The following LTBP1 variants were observed in gnomAD, a reference collection of about 807,000 sequenced individuals.
The protein encoded by LTBP1 is latent-transforming growth factor beta-binding protein 1.
Under a neutral mutation model 207.6 loss-of-function variants are expected in LTBP1, and 129 were observed. The ratio of observed to expected loss-of-function variants is 0.62; its 90% CI spans 0.54 to 0.72. The LOEUF (loss-of-function observed/expected upper bound fraction) is 0.72, where lower values mean the gene tolerates loss of function less well. Among genes scored for constraint, LTBP1 ranks in the 30% least tolerant of loss-of-function variants. LTBP1 has a pLI of 0.00. For synonymous variants in LTBP1, 963 were observed against 833.7 expected (o/e 1.16, Z -2.67); for missense variants, 2,281 against 2,217.2 (o/e 1.03, Z -0.58).
chr2:33,283,236 A>G (rs1055015852), intron 19 of LTBP1, among the ~76,000 whole-genome samples: 3 of 152,024 alleles, frequency 2.0e-5, no homozygotes, highest in Non-Finnish European at 2.9e-5. Context: ...AAAGATTCAG[A>G]GTCTTTAGAG....
At chr2:33,273,478 C>G (rs191368383) in intron 15 of LTBP1, among the ~76,000 whole-genome samples, 178 bp from the exon 16 acceptor site, 1 of 152,180 alleles carries the variant, frequency 6.6e-6, no homozygotes, top group Non-Finnish European at 1.5e-5. Context: ...CTAACTAATC[C>G]ATTATAAAGT....
chr2:33,167,506 A>G (rs1349533212), intron 5 of LTBP1, among the ~76,000 whole-genome samples: 1 of 152,252 alleles, frequency 6.6e-6, no homozygotes, highest in East Asian at 1.9e-4. Flanking sequence ...GAGCAGTCAG[A>G]TGTGAACCCA....
chr2:33,300,320 T>C (rs917416190), intron 20 of LTBP1, 131 bp from the exon 21 acceptor site: 2 of 781,586 alleles, frequency 2.6e-6, no homozygotes, highest in African/African-American at 1.7e-5. Context: ...TGATAAATAC[T>C]AAAGTGTGTA....
chr2:33,230,891 CA>C (rs1558854216), intron 9 of LTBP1, among the ~76,000 whole-genome samples: 133 of 151,912 alleles, frequency 8.8e-4, no homozygotes, highest in African/African-American at 3.0e-3. Flanking sequence ...ACATTTTTGG[CA>C]CGTACTGTGG....
intron 9 of LTBP1, among the ~76,000 whole-genome samples, chr2:33,240,705 C>A (rs542079057): frequency 7.4e-6 from 1 of 135,192 alleles, no homozygotes; most frequent in African/African-American, 2.9e-5. Flanking sequence ...GGCTGGAGTG[C>A]AGTGGCGCGA....
intron 3 of LTBP1, among the ~76,000 whole-genome samples, chr2:33,066,017 G>A (rs946105662): frequency 2.6e-5 from 4 of 151,574 alleles, no homozygotes; most frequent in Non-Finnish European, 1.5e-5. Flanking sequence ...CCTATTTTCC[G>A]GCCAGTTTTC....
In LTBP1 at chr2:33,087,279, G is replaced by T. The variant is rs144264613; in HGVS notation, c.864-23303G>T. Among the ~76,000 whole-genome samples the T allele has an allele frequency of 2.1e-4, 32 of 151,914 alleles. 1 individual carries two copies. The East Asian group carries it at 5.8e-3, about 28-fold the overall frequency. ...GGTGTGCTCTCACTCTGTCTCCCAGGCTAATCTTGAACTCCTGGCCTCAAG... is the reference window on the plus strand; with the variant it reads ...GGTGTGCTCTCACTCTGTCTCCCAGTCTAATCTTGAACTCCTGGCCTCAAG... On this transcript the variant is annotated intron_variant, in intron 3 of 33. Transcript: ENST00000404816.
chr2:33,201,992 A>G (rs1419423726), intron 7 of LTBP1, among the ~76,000 whole-genome samples: 1 of 144,140 alleles, frequency 6.9e-6, no homozygotes, highest in African/African-American at 2.6e-5. Flanking sequence ...TATGTTCAGT[A>G]ACATCCTAAG....
intron 20 of LTBP1, among the ~76,000 whole-genome samples, chr2:33,293,950 CAA>C (rs2093822780): frequency 7.9e-6 from 1 of 126,644 alleles, no homozygotes; most frequent in African/African-American, 2.9e-5. Context: ...ATTGAACAAA[CAA>C]AAAATTTTCA....
chr2:33,119,142 C>G (rs947611186), intron 4 of LTBP1, among the ~76,000 whole-genome samples: 12 of 148,212 alleles, frequency 8.1e-5, no homozygotes, highest in Admixed American at 4.7e-4. Flanking sequence ...CTGTATGGCT[C>G]CAGAATATTC....
chr2:33,204,405 A>T (rs1383383582), intron 7 of LTBP1, among the ~76,000 whole-genome samples: 1 of 152,244 alleles, frequency 6.6e-6, no homozygotes, highest in East Asian at 1.9e-4. Flanking sequence ...AGCCTTGAAG[A>T]ACATTCTAAA....
intron 31 of LTBP1, among the ~76,000 whole-genome samples, chr2:33,371,244 A>C (rs543771603): frequency 6.6e-6 from 1 of 152,254 alleles, no homozygotes; most frequent in East Asian, 1.9e-4. Flanking sequence ...TTCACCATGG[A>C]TGTATCATGG....
intron 19 of LTBP1, among the ~76,000 whole-genome samples, chr2:33,291,122 T>G (rs887136681): frequency 6.6e-6 from 1 of 152,212 alleles, no homozygotes; most frequent in African/African-American, 2.4e-5. Context: ...TCCATGCAAT[T>G]ATGTCTATAA....
chr2:33,114,549 C>G (rs549506357), intron 4 of LTBP1, among the ~76,000 whole-genome samples: 1 of 152,166 alleles, frequency 6.6e-6, no homozygotes, highest in Non-Finnish European at 1.5e-5. Context: ...GTCCTTCATT[C>G]TCAGTGTCCC....
At chr2:32,963,965 T>C (rs1463782271) in intron 2 of LTBP1, among the ~76,000 whole-genome samples, 1 of 152,252 alleles carries the variant, frequency 6.6e-6, no homozygotes, top group African/African-American at 2.4e-5. Context: ...AGGAGCAACA[T>C]TTTATTTTAG....
At position 32,947,763 on chromosome 2, in the gene LTBP1, AC is replaced by A; in HGVS notation, c.442del (p.Gln148ArgfsTer74). The A allele has an allele frequency of 6.6e-7, 1 of 1,520,550 alleles. No homozygotes were observed. The highest frequency in any genetic ancestry group is 8.8e-7 in the Non-Finnish European group (1 of 1,132,824). The allele number at this position is 1,520,550 out of a possible 1,614,324, so 94.2% of individuals were successfully genotyped here. Reference protein sequence around the residue: ...QVVRSKVPQETQSGGGSRLQV... With the variant: ...QVVRSKVPQEXQSGGGSRLQV... ...TGTGCGCTCCAAGGTGCCGCAGGAG[AC>A]CCAGAGCGGCGGAGGCTCTAGGCTG... On this transcript the variant is annotated frameshift_variant, in exon 1 of 34. Transcript: ENST00000404816. LOFTEE classifies it high-confidence loss of function.
At chr2:33,382,258 C>T (rs770713550) in intron 31 of LTBP1, among the ~76,000 whole-genome samples, 4 of 151,722 alleles carry the variant, frequency 2.6e-5, no homozygotes, top group East Asian at 1.9e-4. Context: ...CCACGCCTGG[C>T]TAATTTTTGT....
Position 32,983,374 on chromosome 2 carries a change from G to A in LTBP1, c.565+34429G>A, listed in dbSNP as rs137980772. 9.7e-3 allele frequency among the ~76,000 whole-genome samples: 1,475 copies of A among 152,320 alleles called. 13 individuals are homozygous for A. The highest frequency in any genetic ancestry group is 0.016 in the Non-Finnish European group (1,081 of 68,022). On this transcript the variant is annotated intron_variant, in intron 2 of 33. Transcript: ENST00000404816. Reference sequence around the variant, plus strand: ...TTGTGATTTTACAGGCTCATAGGTAGAAGGGACTTGCCTTGTCTCAGATGA... The same window carrying A: ...TTGTGATTTTACAGGCTCATAGGTAAAAGGGACTTGCCTTGTCTCAGATGA...
chr2:32,972,726 A>G (rs567293192), intron 2 of LTBP1, among the ~76,000 whole-genome samples: 3 of 152,136 alleles, frequency 2.0e-5, no homozygotes, highest in Non-Finnish European at 2.9e-5. Context: ...TTCTCATGAG[A>G]TCTGATGGTT....
Sources: allele counts gnomAD v4.1 joint callset (sites outside exome capture counted in the v4.1 genomes callset), GRCh38; gene constraint gnomAD v4.1.1; transcripts MANE v1.5; gene names NCBI Gene and HGNC (gene_info 2026-07-23, HGNC 2026-07-21).